Variants in CSMD3 observed in about 807,000 individuals in gnomAD.
CSMD3 encodes the protein CUB and Sushi multiple domains 3, also known as CUB and sushi domain-containing protein 3.
In CSMD3, 177 loss-of-function variants were observed where a neutral mutation model predicts 435.2. The observed-to-expected ratio is 0.41, with a 90% confidence interval of 0.36 to 0.46. The LOEUF (loss-of-function observed/expected upper bound fraction) is 0.46, where lower values mean the gene tolerates loss of function less well. CSMD3 is among the 20% of genes least tolerant of loss of function. CSMD3 has a pLI of 0.34. For missense variants in CSMD3, 4,265 were observed against 4,504.6 expected (o/e 0.95, Z 1.52); for synonymous variants, 1,656 against 1,520.5 (o/e 1.09, Z -2.07).
chr8:112,750,967 G>A (rs781323372), intron 13 of CSMD3, among the ~76,000 whole-genome samples: 2 of 151,716 alleles, frequency 1.3e-5, no homozygotes, highest in Non-Finnish European at 2.9e-5. Context: ...CATCTGTTCT[G>A]CAGGGCTGAC....
At chr8:113,302,300 A>ACAT (rs1554603161) in intron 2 of CSMD3, among the ~76,000 whole-genome samples, 4 of 135,794 alleles carry the variant, frequency 2.9e-5, no homozygotes, top group Non-Finnish European at 6.1e-5. Context: ...ATATAATATA[A>ACAT]TATATATATT....
chr8:112,577,987 C>T (rs1830070146), intron 23 of CSMD3, among the ~76,000 whole-genome samples: 1 of 151,922 alleles, frequency 6.6e-6, no homozygotes, highest in East Asian at 1.9e-4. Flanking sequence ...ATATAAATCT[C>T]CAATTTATTC....
At chr8:112,902,911 C>T (rs2082145132) in intron 10 of CSMD3, among the ~76,000 whole-genome samples, 1 of 151,228 alleles carries the variant, frequency 6.6e-6, no homozygotes, top group Admixed American at 6.6e-5. Flanking sequence ...AAATCTACTT[C>T]ACCCACTTCT....
intron 4 of CSMD3, among the ~76,000 whole-genome samples, chr8:113,124,615 A>C (rs532151692): frequency 6.6e-6 from 1 of 152,088 alleles, no homozygotes; most frequent in East Asian, 1.9e-4. Context: ...TGGATAAATG[A>C]AGAATGACTA....
chr8:112,773,691 A>T (rs2078177047), intron 13 of CSMD3, among the ~76,000 whole-genome samples: 1 of 152,026 alleles, frequency 6.6e-6, no homozygotes, highest in Non-Finnish European at 1.5e-5. Context: ...AATCTACCAG[A>T]TTTTTTAGAG....
intron 10 of CSMD3, among the ~76,000 whole-genome samples, chr8:112,866,450 T>G (rs1006069127): frequency 6.6e-6 from 1 of 152,158 alleles, no homozygotes; most frequent in Non-Finnish European, 1.5e-5. Context: ...TTCTTGCCCA[T>G]TGAGGCCTTT....
intron 3 of CSMD3, among the ~76,000 whole-genome samples, chr8:113,272,035 G>A (rs140649994): frequency 1.5e-3 from 234 of 152,108 alleles, no homozygotes; most frequent in African/African-American, 5.5e-3. Flanking sequence ...CCTTTGTTAT[G>A]GACAATTTCT....
At chr8:112,352,779 A>G (rs1247220622) in intron 38 of CSMD3, among the ~76,000 whole-genome samples, 1 of 152,182 alleles carries the variant, frequency 6.6e-6, no homozygotes, top group Non-Finnish European at 1.5e-5. Flanking sequence ...CTGTGTGAAT[A>G]TACCTAAATT....
intron 13 of CSMD3, among the ~76,000 whole-genome samples, chr8:112,761,543 A>G (rs2077838036): frequency 6.6e-6 from 1 of 152,118 alleles, no homozygotes; most frequent in African/African-American, 2.4e-5. Flanking sequence ...AGCATAAATC[A>G]AGATGTTAAT....
At chr8:112,688,580 G>A (rs530164847) in intron 14 of CSMD3, among the ~76,000 whole-genome samples, 40 of 151,856 alleles carry the variant, frequency 2.6e-4, no homozygotes, top group Middle Eastern at 3.4e-3. Flanking sequence ...TCTGTATTTC[G>A]TTCTCATAAA....
chr8:112,970,464 G>A (rs2084609777), intron 7 of CSMD3, among the ~76,000 whole-genome samples: 1 of 148,712 alleles, frequency 6.7e-6, no homozygotes, highest in South Asian at 2.1e-4. Flanking sequence ...AAATTATTCT[G>A]ATGAATTTAC....
chr8:112,370,101 A>C (rs901234877), intron 38 of CSMD3, among the ~76,000 whole-genome samples: 7 of 150,990 alleles, frequency 4.6e-5, no homozygotes, highest in African/African-American at 1.5e-4. Context: ...TAGTAGTAGT[A>C]GTCAGGTATT....
intron 13 of CSMD3, among the ~76,000 whole-genome samples, chr8:112,733,391 T>TA (rs1193358984): frequency 6.6e-5 from 10 of 151,844 alleles, no homozygotes; most frequent in African/African-American, 1.5e-4. Flanking sequence ...TTTTTTTTTT[T>TA]AAATTAACAT....
intron 1 of CSMD3, among the ~76,000 whole-genome samples, chr8:113,436,451 C>T (rs1439878210): frequency 6.6e-6 from 1 of 152,192 alleles, no homozygotes; most frequent in Admixed American, 6.5e-5. Flanking sequence ...GAGCATACTG[C>T]AAGAATATTT....
At chr8:113,113,960 A>T (rs554260770) in intron 4 of CSMD3, among the ~76,000 whole-genome samples, 8 of 152,322 alleles carry the variant, frequency 5.3e-5, no homozygotes, top group African/African-American at 1.9e-4. Context: ...ATCATCATAT[A>T]CATGGAGGAC....
At chr8:113,389,321 A>G (rs2094452055) in intron 1 of CSMD3, among the ~76,000 whole-genome samples, 1 of 151,668 alleles carries the variant, frequency 6.6e-6, no homozygotes. Context: ...CAATCTCTAA[A>G]GCTAAAAACA....
intron 22 of CSMD3, among the ~76,000 whole-genome samples, chr8:112,609,638 T>C (rs1289175602): frequency 6.6e-6 from 1 of 152,114 alleles, no homozygotes; most frequent in Non-Finnish European, 1.5e-5. Flanking sequence ...AGAACTACCA[T>C]GTGATCCAGC....
In CSMD3 at chr8:112,352,820, A is replaced by G. The variant is rs190229025; in HGVS notation, c.6137-286T>C. Among the ~76,000 whole-genome samples, 7 of 152,286 alleles carry G rather than the reference A, an allele frequency of 4.6e-5. No individual in the cohort carries two copies. In the East Asian group the frequency reaches 1.2e-3, roughly 25 times the overall value. ...TTAACTCCAGGCTTAATTGTTTTCT[A>G]CTGTGAAACAAAAGTAAAAATTTCT... is the stretch of plus-strand genomic sequence containing the variant. On this transcript the variant is annotated intron_variant, in intron 38 of 70. Coordinates refer to ENST00000297405, the MANE Select transcript of CSMD3 (RefSeq NM_198123.2).
At chr8:112,389,523 T>C (rs952796655) in intron 36 of CSMD3, among the ~76,000 whole-genome samples, 1 of 152,192 alleles carries the variant, frequency 6.6e-6, no homozygotes, top group Admixed American at 6.5e-5. Flanking sequence ...AAAATGTACA[T>C]GCTTTTTGTT....
Sources: gnomAD v4.1 joint callset for allele counts (sites outside exome capture counted in the v4.1 genomes callset) on GRCh38, gnomAD v4.1.1 for gene constraint, MANE v1.5 for transcripts, NCBI Gene and HGNC (gene_info 2026-07-23, HGNC 2026-07-21) for gene names.